Variants in CNTLN observed in about 807,000 individuals in gnomAD.
CNTLN encodes the protein centlein, also known as centlein, centrosomal protein.
A neutral mutation model predicts 180.0 loss-of-function variants in CNTLN; 212 were observed. The observed-to-expected ratio is 1.18, with a 90% CI of 1.05 to 1.32. The LOEUF (loss-of-function observed/expected upper bound fraction) is 1.32, where lower values mean the gene tolerates loss of function less well. Ranked by LOEUF, CNTLN falls within the 40% of genes most tolerant of loss-of-function variation. The pLI, the probability that CNTLN is intolerant of heterozygous loss-of-function variation, is 0.00. For synonymous variants in CNTLN, 722 were observed against 563.1 expected (o/e 1.28, Z -3.99); for missense variants, 2,095 against 1,610.9 (o/e 1.30, Z -5.14).
At chr9:17,149,625 C>T (rs1417559705) in intron 2 of CNTLN, among the ~76,000 whole-genome samples, 2 of 148,094 alleles carry the variant, frequency 1.4e-5, no homozygotes, top group Admixed American at 1.4e-4. Context: ...TCATGCCATT[C>T]TCCTGCCTCA....
chr9:17,171,995 G>T (rs900669411), intron 2 of CNTLN, among the ~76,000 whole-genome samples: 60 of 152,140 alleles, frequency 3.9e-4, no homozygotes, highest in Admixed American at 7.9e-4. Flanking sequence ...TGTGTTGGTG[G>T]CTTCAATGTT....
At chr9:17,504,308 C>G (rs571593381), downstream of CNTLN, among the ~76,000 whole-genome samples, 3 of 152,216 alleles carry the variant, frequency 2.0e-5, no homozygotes, top group African/African-American at 7.2e-5. Context: ...TCACAATATT[C>G]CCAACTCACA....
intron 8 of CNTLN, among the ~76,000 whole-genome samples, chr9:17,314,626 T>A (rs998455631): frequency 6.6e-6 from 1 of 152,226 alleles, no homozygotes; most frequent in Non-Finnish European, 1.5e-5. Flanking sequence ...AAAGTTTCTG[T>A]TGGAATTTTA....
At chr9:17,178,755 C>G (rs1820910915) in intron 2 of CNTLN, among the ~76,000 whole-genome samples, 1 of 152,092 alleles carries the variant, frequency 6.6e-6, no homozygotes, top group Non-Finnish European at 1.5e-5. Flanking sequence ...CAGTTCCTGC[C>G]AGCGTCTCTC....
intron 1 of CNTLN, among the ~76,000 whole-genome samples, chr9:17,141,009 A>G (rs1818050592): frequency 6.6e-6 from 1 of 152,004 alleles, no homozygotes; most frequent in Non-Finnish European, 1.5e-5. Flanking sequence ...AAAAATCATC[A>G]TAAATAAGCA....
chr9:17,484,540 AT>A, intron 24 of CNTLN, 60 bp downstream of exon 24: 1 of 1,349,718 alleles, frequency 7.4e-7, no homozygotes, highest in Non-Finnish European at 1.0e-6. Context: ...TTAAGTAGAT[AT>A]TTTTATTTGT....
At position 17,311,451 on chromosome 9, in the gene CNTLN, G is replaced by GTTTT. The variant is rs112794584; in HGVS notation, c.1341+2212_1341+2215dup. Reference sequence around the variant, plus strand: ...ATCAAAATCCCAGGAGGGTTTTTCTGTTTTTTTTTTTTTTTTAAGGCAGAA... The same window carrying GTTTT: ...ATCAAAATCCCAGGAGGGTTTTTCTGTTTTTTTTTTTTTTTTTTTTAAGGCAGAA... On this transcript the variant is annotated intron_variant, in intron 8 of 25. Coordinates refer to ENST00000380647, the MANE Select transcript of CNTLN (RefSeq NM_017738.4). Among the ~76,000 whole-genome samples the GTTTT allele has an allele frequency of 3.7e-3, 493 of 133,800 alleles. 2 individuals are homozygous for GTTTT. Among genetic ancestry groups the GTTTT allele is most frequent in the African/African-American group, 0.01 (382 of 36,586 alleles). 87.8% of individuals were successfully genotyped at this position (133,800 alleles called of 152,430 possible).
At chr9:17,488,029 TGTG>T (rs1355291423) in intron 25 of CNTLN, among the ~76,000 whole-genome samples, 1 of 152,166 alleles carries the variant, frequency 6.6e-6, no homozygotes, top group Admixed American at 6.5e-5. Context: ...AAAATTGTCC[TGTG>T]ATTTTTGGAA....
rs994412800 is a variant in CNTLN at position 17,298,239 on chromosome 9, A to G, written c.1033A>G (p.Thr345Ala). The change falls in exon 7 of 26, where the codon ACA (threonine) becomes GCA (alanine). Residue 345 changes from threonine to alanine, a missense_variant. By Grantham distance (58) the Thr-to-Ala change is moderately conservative. Transcript: ENST00000380647. Reference sequence around the variant, plus strand: ...TCTTTACAAACAGAACAGTACACATACAGCCCAGCAAGCAGAGCTGATCCA... The same window carrying G: ...TCTTTACAAACAGAACAGTACACATGCAGCCCAGCAAGCAGAGCTGATCCA... ...QNLYKQNSTHTAQQAELIQQL... is the reference protein window; with the variant it reads ...QNLYKQNSTHAAQQAELIQQL... 1.2e-6 allele frequency: 2 copies of G among 1,611,178 alleles called. No homozygotes were observed. Among genetic ancestry groups the G allele is most frequent in the Non-Finnish European group, 1.7e-6 (2 of 1,179,034 alleles).
Position 17,149,420 on chromosome 9 carries a change from T to A in CNTLN, c.449+6044T>A, listed in dbSNP as rs113199724. 1.5e-3 allele frequency among the ~76,000 whole-genome samples: 236 copies of A among 152,278 alleles called. 2 individuals carry two copies. Among genetic ancestry groups the A allele is most frequent in the African/African-American group, 5.5e-3 (228 of 41,544 alleles). ...TATCTTCCACAATGGTTGAACTAATTTACACCCCCACCAACAGTGTAAAAG... is the reference window on the plus strand; with the variant it reads ...TATCTTCCACAATGGTTGAACTAATATACACCCCCACCAACAGTGTAAAAG... On this transcript the variant is annotated intron_variant, in intron 2 of 25. Coordinates refer to ENST00000380647, the MANE Select transcript of CNTLN (RefSeq NM_017738.4).
At chr9:17,299,795 C>T in intron 7 of CNTLN, 1 of 984,242 alleles carries the variant, frequency 1.0e-6, no homozygotes, top group Admixed American at 6.1e-5. Flanking sequence ...CTCTTTTTCC[C>T]CCATTGATGA....
chr9:17,154,246 T>C (rs1819100044), intron 2 of CNTLN, among the ~76,000 whole-genome samples: 2 of 152,224 alleles, frequency 1.3e-5, no homozygotes, highest in African/African-American at 2.4e-5. Flanking sequence ...TTGTGGTTTT[T>C]AGAATTTTCA....
chr9:17,150,589 C>T (rs993568076), intron 2 of CNTLN, among the ~76,000 whole-genome samples: 1 of 152,162 alleles, frequency 6.6e-6, no homozygotes, highest in Non-Finnish European at 1.5e-5. Context: ...AGCATGATGC[C>T]TCCAGCTTTG....
the CNTLN span, among the ~76,000 whole-genome samples, chr9:17,511,575 G>A: frequency 1.3e-5 from 2 of 151,848 alleles, no homozygotes; most frequent in Non-Finnish European, 2.9e-5. Context: ...GCTATTGGTT[G>A]GAGTCTGTCC....
intron 1 of CNTLN, among the ~76,000 whole-genome samples, chr9:17,140,969 G>A (rs1385598499): frequency 6.6e-6 from 1 of 152,152 alleles, no homozygotes; most frequent in African/African-American, 2.4e-5. Context: ...ATACATTTGA[G>A]TATGTAAAAT....
At chr9:17,452,499 G>C (rs1326585640) in intron 18 of CNTLN, among the ~76,000 whole-genome samples, 1 of 152,196 alleles carries the variant, frequency 6.6e-6, no homozygotes. Context: ...GCATTTACCA[G>C]ACAGGAATTG....
chr9:17,352,414 ATATT>A (rs1252300273), intron 12 of CNTLN, among the ~76,000 whole-genome samples: 1,928 of 25,012 alleles, frequency 0.077, 27 homozygotes, highest in African/African-American at 0.18. Context: ...ATATATATAT[ATATT>A]TTTTTTTTTT....
At chr9:17,313,141 C>T (rs1033035595) in intron 8 of CNTLN, among the ~76,000 whole-genome samples, 1 of 152,084 alleles carries the variant, frequency 6.6e-6, no homozygotes, top group Non-Finnish European at 1.5e-5. Context: ...CAATTCTTCC[C>T]TTTAATGGTT....
At chr9:17,482,468 G>T (rs926665656) in intron 23 of CNTLN, among the ~76,000 whole-genome samples, 18 of 152,066 alleles carry the variant, frequency 1.2e-4, no homozygotes, top group African/African-American at 4.1e-4. Flanking sequence ...AAATGGAAAG[G>T]AATACCATGT....
Sources: gnomAD v4.1 joint callset for allele counts (sites outside exome capture counted in the v4.1 genomes callset) on GRCh38, gnomAD v4.1.1 for gene constraint, MANE v1.5 for transcripts, NCBI Gene and HGNC (gene_info 2026-07-23, HGNC 2026-07-21) for gene names.